The following SPACA7 variants were observed in gnomAD, a reference collection of about 807,000 sequenced individuals.
SPACA7 encodes sperm acrosome-associated protein 7.
In SPACA7, 19 loss-of-function variants were observed where a neutral mutation model predicts 26.3. The observed-to-expected ratio is 0.72, with a 90% CI of 0.50 to 1.06. The LOEUF (loss-of-function observed/expected upper bound fraction) is 1.06. SPACA7 is among the 50% of genes least tolerant of loss of function. The pLI, the probability that SPACA7 is intolerant of heterozygous loss-of-function variation, is 0.00. For missense variants in SPACA7, 211 were observed against 229.9 expected, an observed-to-expected ratio of 0.92 and a Z score of 0.53; for synonymous variants, 84 against 84.5, an observed-to-expected ratio of 0.99 and a Z score of 0.04.
intron 1 of SPACA7, among the ~76,000 whole-genome samples, chr13:112,380,663 A>G (rs892385789): frequency 6.6e-5 from 10 of 152,150 alleles, no homozygotes; most frequent in East Asian, 1.9e-4. Flanking sequence ...CTCTTCCTGA[A>G]AAAACAAATT....
intron 5 of SPACA7, among the ~76,000 whole-genome samples, chr13:112,411,445 A>T (rs1328234838): frequency 1.3e-5 from 2 of 152,144 alleles, no homozygotes; most frequent in African/African-American, 4.8e-5. Context: ...GGTTGAGAAC[A>T]TTCCACATCT....
chr13:112,385,757 T>C (rs1884485135), intron 1 of SPACA7, among the ~76,000 whole-genome samples: 1 of 152,240 alleles, frequency 6.6e-6, no homozygotes, highest in Non-Finnish European at 1.5e-5. Flanking sequence ...TGAACAAAAA[T>C]GCATTAAAGT....
chr13:112,379,144 C>A (rs1209966201), intron 1 of SPACA7, among the ~76,000 whole-genome samples: 3 of 152,096 alleles, frequency 2.0e-5, no homozygotes, highest in African/African-American at 7.2e-5. Context: ...ACATTGAGTC[C>A]CACATCATTA....
intron 6 of SPACA7, among the ~76,000 whole-genome samples, chr13:112,432,940 C>T (rs573329242): frequency 2.4e-4 from 37 of 152,264 alleles, no homozygotes; most frequent in African/African-American, 6.7e-4. Context: ...GGGTGGGGAC[C>T]CCCAGTCCAG....
At chr13:112,386,127 C>T (rs1049589596) in intron 1 of SPACA7, among the ~76,000 whole-genome samples, 5 of 152,194 alleles carry the variant, frequency 3.3e-5, no homozygotes, top group Middle Eastern at 3.2e-3. Flanking sequence ...CATTTTATTG[C>T]GAGGCAACCC....
intron 5 of SPACA7, among the ~76,000 whole-genome samples, chr13:112,431,316 T>G (rs1186972159): frequency 6.6e-6 from 1 of 152,216 alleles, no homozygotes. Context: ...TCTTCCTTGT[T>G]GCCAGAAAAC....
At chr13:112,432,621 GC>G in intron 6 of SPACA7, 100 bp downstream of exon 6, 2 of 893,302 alleles carry the variant, frequency 2.2e-6, no homozygotes, top group African/African-American at 1.6e-5. Context: ...GAGCAGGTGA[GC>G]CCAGCCCCCA....
chr13:112,398,219 C>T, intron 3 of SPACA7, 81 bp downstream of exon 3: 2 of 1,066,622 alleles, frequency 1.9e-6, no homozygotes, highest in Non-Finnish European at 2.9e-6. Flanking sequence ...GAATACGTGA[C>T]CCTATAATTT....
intron 5 of SPACA7, among the ~76,000 whole-genome samples, chr13:112,419,852 G>C (rs1886905059): frequency 1.3e-5 from 2 of 152,232 alleles, no homozygotes. Context: ...TATCCCCTGA[G>C]GGAAGGGAAG....
At chr13:112,429,999 T>A (rs1293583733) in intron 5 of SPACA7, among the ~76,000 whole-genome samples, 1 of 152,090 alleles carries the variant, frequency 6.6e-6, no homozygotes, top group Non-Finnish European at 1.5e-5. Context: ...ATTATGAGGG[T>A]TTTTTAAAAT....
At chr13:112,402,798 T>G (rs983729327) in intron 5 of SPACA7, among the ~76,000 whole-genome samples, 1 of 152,210 alleles carries the variant, frequency 6.6e-6, no homozygotes, top group African/African-American at 2.4e-5. Flanking sequence ...ATGATATTAA[T>G]GAGTTTCCTA....
intron 1 of SPACA7, among the ~76,000 whole-genome samples, chr13:112,378,350 A>G (rs1397595403): frequency 6.6e-6 from 1 of 152,262 alleles, no homozygotes; most frequent in Non-Finnish European, 1.5e-5. Context: ...TCATTAAAAC[A>G]TAAAATATGG....
At chr13:112,424,120 C>A (rs963972226) in intron 5 of SPACA7, among the ~76,000 whole-genome samples, 1 of 152,166 alleles carries the variant, frequency 6.6e-6, no homozygotes, top group African/African-American at 2.4e-5. Flanking sequence ...GGGGTGAATC[C>A]GAACAAGGAC....
At position 112,401,793 on chromosome 13, in the gene SPACA7, T is replaced by C. The variant is rs185012805; in HGVS notation, c.445+629T>C. Among the ~76,000 whole-genome samples, 9 of 152,350 alleles carry C rather than the reference T, an allele frequency of 5.9e-5. No individual in the cohort carries two copies. The East Asian group carries it at 1.7e-3, about 29-fold the overall frequency. On this transcript the variant is annotated intron_variant, in intron 5 of 6. Transcript: ENST00000283550. ...ATGGTGTGAGGTGTTCCTAATTTTA[T>C]ATTTTTATGAATGGCTACCCAGTTA... is the stretch of plus-strand genomic sequence containing the variant.
intron 5 of SPACA7, among the ~76,000 whole-genome samples, chr13:112,412,573 T>C (rs1056036979): frequency 7.2e-5 from 11 of 152,172 alleles, no homozygotes; most frequent in African/African-American, 2.7e-4. Context: ...ACTTCTAATG[T>C]TTTCATAGTT....
chr13:112,379,026 C>T (rs921148732), intron 1 of SPACA7, among the ~76,000 whole-genome samples: 4 of 152,132 alleles, frequency 2.6e-5, no homozygotes, highest in Non-Finnish European at 5.9e-5. Context: ...GTCCGTTATG[C>T]GTAGCCTAAG....
At position 112,407,635 on chromosome 13, in the gene SPACA7, C is replaced by T. The variant is rs185161494; in HGVS notation, c.445+6471C>T. Among the ~76,000 whole-genome samples the T allele has an allele frequency of 2.0e-3, 310 of 152,216 alleles. 2 individuals carry two copies. The highest frequency in any genetic ancestry group is 0.014 in the Middle Eastern group (4 of 294). ...AAATCTAGAAGAAATGGATAAATTC[C>T]TGGACACGTACACCCTCCCAAGACT... On this transcript the variant is annotated intron_variant, in intron 5 of 6. Coordinates refer to ENST00000283550, the MANE Select transcript of SPACA7 (RefSeq NM_145248.5).
At chr13:112,382,164 G>A in intron 1 of SPACA7, 1 of 369,732 alleles carries the variant, frequency 2.7e-6, no homozygotes, top group Non-Finnish European at 4.9e-6. Flanking sequence ...CAGTTAAGCT[G>A]GAGCTCTTTC....
intron 1 of SPACA7, among the ~76,000 whole-genome samples, chr13:112,384,094 C>G (rs1411187450): frequency 6.6e-6 from 1 of 152,080 alleles, no homozygotes; most frequent in African/African-American, 2.4e-5. Context: ...CATTAGTTTT[C>G]CATAAGAGTT....
Sources: allele counts gnomAD v4.1 joint callset (sites outside exome capture counted in the v4.1 genomes callset), GRCh38; gene constraint gnomAD v4.1.1; transcripts MANE v1.5; gene names NCBI Gene and HGNC (gene_info 2026-07-23, HGNC 2026-07-21).